KDM4A: variants seen among roughly 807,000 people sequenced by gnomAD.
KDM4A encodes the protein lysine-specific demethylase 4A.
KDM4A carries 23 observed loss-of-function variants against 127.1 expected under a neutral mutation model. The ratio of observed to expected loss-of-function variants is 0.18; its 90% CI spans 0.13 to 0.26. KDM4A has a LOEUF of 0.26. KDM4A is among the 10% of genes least tolerant of loss of function. KDM4A has a pLI of 1.00. For synonymous variants in KDM4A, 443 were observed against 466.5 expected, an observed-to-expected ratio of 0.95 and a Z score of 0.65; for missense variants, 890 against 1,329.1, an observed-to-expected ratio of 0.67 and a Z score of 5.14.
chr1:43,694,926 G>T lies in KDM4A; in HGVS notation c.2670+32G>T. ...GAGGGTGTCATTCTAGAATCCTCTT[G>T]ACAGTTTTCATGGTCATTTTCTCTG... On this transcript the variant is annotated intron_variant, in intron 18 of 21. Transcript: ENST00000372396. This position sits in a 1 kb window ranked among gnomAD's most constrained non-coding sequence, Gnocchi z 5.2. The T allele has an allele frequency of 6.4e-7, 1 of 1,564,208 alleles. No individual in the cohort carries two copies. The highest frequency in any genetic ancestry group is 1.1e-5 in the South Asian group (1 of 88,012).
At chr1:43,682,029 T>C (rs1245340561) in intron 11 of KDM4A, among the ~76,000 whole-genome samples, 1 of 152,168 alleles carries the variant, frequency 6.6e-6, no homozygotes, top group Non-Finnish European at 1.5e-5. Flanking sequence ...AGTGCAGTGG[T>C]GCAGTCTCAG....
chr1:43,695,279 T>C (rs1661216121), intron 18 of KDM4A, among the ~76,000 whole-genome samples: 1 of 152,210 alleles, frequency 6.6e-6, no homozygotes, highest in African/African-American at 2.4e-5. Context: ...AACCATGAAT[T>C]GCCAGACAGT....
intron 19 of KDM4A, chr1:43,702,055 C>T (rs892874851): frequency 6.6e-6 from 1 of 152,184 alleles, no homozygotes; most frequent in Non-Finnish European, 1.5e-5. Flanking sequence ...ACTAGTAGAG[C>T]TTAGGGTCAG....
At chr1:43,701,441 A>C (rs1661390654) in intron 19 of KDM4A, among the ~76,000 whole-genome samples, 1 of 152,160 alleles carries the variant, frequency 6.6e-6, no homozygotes, top group Non-Finnish European at 1.5e-5. Context: ...CCAGATACCT[A>C]AGTCTGAAAA....
intron 11 of KDM4A, among the ~76,000 whole-genome samples, chr1:43,676,346 G>A (rs541873830): frequency 3.8e-4 from 58 of 152,166 alleles, no homozygotes; most frequent in African/African-American, 1.4e-3. Context: ...TTTTGAGACG[G>A]AGTCTTGCTC....
chr1:43,656,447 C>T (rs956582218), intron 3 of KDM4A, among the ~76,000 whole-genome samples: 1 of 141,922 alleles, frequency 7.0e-6, no homozygotes, highest in South Asian at 2.3e-4. Context: ...ACGTGATTCT[C>T]CTGCCTCAGC....
chr1:43,669,768 C>A (rs1490462474), intron 10 of KDM4A, among the ~76,000 whole-genome samples: 1 of 151,942 alleles, frequency 6.6e-6, no homozygotes, highest in African/African-American at 2.4e-5. Flanking sequence ...CCTGCCTCAG[C>A]CTTCCAACTA....
At chr1:43,669,360 G>T (rs1225084300) in intron 10 of KDM4A, 61 bp downstream of exon 10, 2 of 1,493,436 alleles carry the variant, frequency 1.3e-6, no homozygotes, top group Admixed American at 1.7e-5. Context: ...CGTGTTAGAT[G>T]CCATATTGAG....
chr1:43,673,504 G>A (rs2154047499), intron 11 of KDM4A, among the ~76,000 whole-genome samples: 1 of 151,796 alleles, frequency 6.6e-6, no homozygotes, highest in South Asian at 2.1e-4. Context: ...TTTTATGGTA[G>A]GTTTGTCTCC....
intron 11 of KDM4A, 63 bp downstream of exon 11, chr1:43,671,938 G>A (rs149544266): frequency 1.1e-5 from 17 of 1,493,972 alleles, no homozygotes; most frequent in Non-Finnish European, 1.5e-5. Flanking sequence ...TGTCGGGAGG[G>A]GATCTGTGTG....
chr1:43,674,516 CTT>C (rs35692956), intron 11 of KDM4A, among the ~76,000 whole-genome samples: 5 of 145,594 alleles, frequency 3.4e-5, no homozygotes, highest in African/African-American at 1.0e-4. Flanking sequence ...GGCCCTGCTA[CTT>C]TTTTTTTTTT....
At position 43,658,071 on chromosome 1, in the gene KDM4A, C is replaced by CTT. The variant is rs371218115; in HGVS notation, c.315-2211_315-2210dup. Reference sequence around the variant, plus strand: ...GATTACCTTTAAAGTAAAAACATAACTTTTTTTTTTTTTTTTTGAGACAGA... The same window carrying CTT: ...GATTACCTTTAAAGTAAAAACATAACTTTTTTTTTTTTTTTTTTTGAGACAGA... On this transcript the variant is annotated intron_variant, in intron 3 of 21. Transcript: ENST00000372396. Among the ~76,000 whole-genome samples the CTT allele has an allele frequency of 5.5e-3, 735 of 132,606 alleles. 15 individuals carry two copies. Among genetic ancestry groups the CTT allele is most frequent in the South Asian group, 0.021 (86 of 4,166 alleles). The allele number at this position is 132,606 out of a possible 152,430, so 87.0% of individuals were successfully genotyped here. A position where few individuals can be genotyped will look rare whatever the true frequency, so the allele number is the denominator to read the frequency against.
chr1:43,688,808 G>C lies in KDM4A; in HGVS notation c.1856-106G>C, dbSNP rs3791035. 0.27 allele frequency: 265,923 copies of C among 991,466 alleles called. 38,114 individuals are homozygous for C. The highest frequency in any genetic ancestry group is 0.3 in the Non-Finnish European group (197,974 of 668,074). 61.4% of individuals were successfully genotyped at this position (991,466 alleles called of 1,614,324 possible). A position where few individuals can be genotyped will look rare whatever the true frequency, so the allele number is the denominator to read the frequency against. On this transcript the variant is annotated intron_variant, in intron 12 of 21. Transcript: ENST00000372396. The surrounding 1 kb of genome is among the most constrained non-coding windows in gnomAD (Gnocchi z 4.4). ...CCTTAGGAATTCAGGAGTCACCCTT[G>C]GTCCAAACCTAGGATCAGGAGTCCT...
intron 1 of KDM4A, 78 bp from the exon 2 acceptor site, chr1:43,653,059 T>C (rs1449233543): frequency 2.0e-5 from 14 of 706,718 alleles, no homozygotes; most frequent in Non-Finnish European, 3.0e-5. Flanking sequence ...TATTATCTTT[T>C]ACTGTTTTCA....
At chr1:43,703,508 T>C in intron 19 of KDM4A, 109 bp from the exon 20 acceptor site, 1 of 1,386,958 alleles carries the variant, frequency 7.2e-7, no homozygotes, top group East Asian at 2.3e-5. Flanking sequence ...GCTGCCTTGC[T>C]CTCTAAAACA....
At chr1:43,677,796 A>G (rs1280316190) in intron 11 of KDM4A, among the ~76,000 whole-genome samples, 1 of 152,232 alleles carries the variant, frequency 6.6e-6, no homozygotes, top group Non-Finnish European at 1.5e-5. Flanking sequence ...TCCTACATTT[A>G]TGCATCATTT....
intron 2 of KDM4A, among the ~76,000 whole-genome samples, chr1:43,655,237 G>T (rs1207689674): frequency 6.6e-6 from 1 of 152,188 alleles, no homozygotes; most frequent in African/African-American, 2.4e-5. Context: ...TACAAGTATA[G>T]AGTTGACCAA....
At chr1:43,701,633 G>A (rs370188172) in intron 19 of KDM4A, among the ~76,000 whole-genome samples, 12 of 152,104 alleles carry the variant, frequency 7.9e-5, no homozygotes, top group African/African-American at 2.2e-4. Flanking sequence ...GACTATAGGC[G>A]TGTGCCATCA....
chr1:43,676,394 T>C (rs919348794), intron 11 of KDM4A, among the ~76,000 whole-genome samples: 4 of 152,054 alleles, frequency 2.6e-5, no homozygotes, highest in Admixed American at 2.0e-4. Flanking sequence ...TGATCTCGGC[T>C]CACTGCAACC....
Sources: gnomAD v4.1 joint callset for allele counts (sites outside exome capture counted in the v4.1 genomes callset) on GRCh38, gnomAD v4.1.1 for gene constraint, Gnocchi (gnomAD v3.1) non-coding constraint, MANE v1.5 for transcripts, NCBI Gene and HGNC (gene_info 2026-07-23, HGNC 2026-07-21) for gene names.